URM1: variants seen among roughly 807,000 people sequenced by gnomAD.
URM1 encodes the protein ubiquitin-related modifier 1.
Under a neutral mutation model 17.7 loss-of-function variants are expected in URM1, and 11 were observed. The observed-to-expected ratio is 0.62, with a 90% CI of 0.39 to 1.03. The LOEUF is 1.03. Among genes scored for constraint, URM1 ranks in the 50% least tolerant of loss-of-function variants. The probability of loss-of-function intolerance (pLI) is 0.00; values close to 1 mark genes in which losing one functional copy is unlikely to be tolerated. For synonymous variants in URM1, 48 were observed against 50.6 expected (o/e 0.95, Z 0.22); for missense variants, 128 against 129.2 (o/e 0.99, Z 0.04).
intron 3 of URM1, chr9:128,388,781 C>T: frequency 1.0e-6 from 1 of 988,204 alleles, no homozygotes; most frequent in South Asian, 4.7e-5. Context: ...ACAGCCTTCT[C>T]TCCAGGATGG....
chr9:128,371,880 C>G (rs1012160295), intron 1 of URM1, among the ~76,000 whole-genome samples: 21 of 152,090 alleles, frequency 1.4e-4, no homozygotes, highest in African/African-American at 5.1e-4. Context: ...GGACTTTTTT[C>G]TTTTTCTTTC....
chr9:128,378,947 C>CA (rs397976946), intron 2 of URM1, among the ~76,000 whole-genome samples: 15,281 of 86,580 alleles, frequency 0.18, 1,564 homozygotes, highest in African/African-American at 0.33. Flanking sequence ...ATTCTGTCAC[C>CA]AAAAAAAAAA....
intron 3 of URM1, chr9:128,388,988 T>C: frequency 1.6e-6 from 2 of 1,282,834 alleles, no homozygotes; most frequent in South Asian, 2.5e-5. Context: ...AGGAACCTGA[T>C]ACTCAGAAAC....
Position 128,388,448 on chromosome 9 carries a change from C to T in URM1, c.188+551C>T, listed in dbSNP as rs940660924. ...AGTCTCCTTGGAAAGGACCAGGTTC[C>T]AGTTGCCACGAAGTTACTTCTAAAA... On this transcript the variant is annotated intron_variant, in intron 3 of 4. Transcript: ENST00000372853. 1.5e-5 allele frequency: 15 copies of T among 986,104 alleles called. No individual in the cohort carries two copies. The African/African-American group carries it at 2.6e-4, about 17-fold the overall frequency. The allele number at this position is 986,104 out of a possible 1,614,324, so 61.1% of individuals were successfully genotyped here. A position where few individuals can be genotyped will look rare whatever the true frequency, so the allele number is the denominator to read the frequency against.
chr9:128,389,486 G>C (rs565961589), intron 4 of URM1, 177 bp downstream of exon 4: 1 of 1,558,362 alleles, frequency 6.4e-7, no homozygotes, highest in East Asian at 2.4e-5. Context: ...TGGGTAGCTG[G>C]GGACATGGGA....
rs1833278156 is a variant in URM1 at position 128,389,602 on chromosome 9, A to C, written c.238-64A>C. On this transcript the variant is annotated intron_variant, in intron 4 of 4. Coordinates refer to ENST00000372853, the MANE Select transcript of URM1 (RefSeq NM_030914.4). ...CCAGTCCTCAGCCCCTGTTCTCCCA[A>C]CTCCTGGGGTGGACCTGGGAAGGTG... is the stretch of plus-strand genomic sequence containing the variant. The C allele has an allele frequency of 9.3e-6, 15 of 1,605,698 alleles. No homozygotes were observed. In the South Asian group the frequency reaches 1.4e-4, roughly 15 times the overall value.
At chr9:128,386,713 TC>T (rs1833232215) in intron 2 of URM1, among the ~76,000 whole-genome samples, 1 of 152,166 alleles carries the variant, frequency 6.6e-6, no homozygotes, top group Admixed American at 6.5e-5. Context: ...TTGCGTACAC[TC>T]TGGACTCCAG....
At chr9:128,376,474 A>G (rs956912089) in intron 1 of URM1, among the ~76,000 whole-genome samples, 2 of 151,376 alleles carry the variant, frequency 1.3e-5, no homozygotes, top group African/African-American at 4.9e-5. Context: ...CCTGGCCACA[A>G]TGGTGAAACC....
rs568539369 is a variant in URM1, at chr9:128,377,118, C to T, written c.36-918C>T. On this transcript the variant is annotated intron_variant, in intron 1 of 4. Transcript: ENST00000372853. Reference sequence around the variant, plus strand: ...AACTCCTGGCCTCAAGCAGTCATCTCGCCTTGGCCTCCCACAGTGCTAGGA... The same window carrying T: ...AACTCCTGGCCTCAAGCAGTCATCTTGCCTTGGCCTCCCACAGTGCTAGGA... Among the ~76,000 whole-genome samples the T allele has an allele frequency of 2.0e-5, 3 of 152,320 alleles. No individual in the cohort carries two copies. In the East Asian group the frequency reaches 5.8e-4, roughly 29 times the overall value.
At chr9:128,381,806 C>T (rs776942252) in intron 2 of URM1, among the ~76,000 whole-genome samples, 1 of 152,232 alleles carries the variant, frequency 6.6e-6, no homozygotes, top group Non-Finnish European at 1.5e-5. Flanking sequence ...GCTTTCAGGC[C>T]ACTGAATTTC....
intron 1 of URM1, among the ~76,000 whole-genome samples, chr9:128,371,862 C>T (rs985207068): frequency 6.6e-6 from 1 of 152,156 alleles, no homozygotes; most frequent in African/African-American, 2.4e-5. Flanking sequence ...GATGTAGTGG[C>T]CAGGGCGGGA....
Position 128,387,909 on chromosome 9 carries a change from TC to T in URM1, c.188+14del. 6.2e-7 allele frequency: 1 copy of T among 1,613,824 alleles called. No individual in the cohort carries two copies. On this transcript the variant is annotated intron_variant, in intron 3 of 4. Transcript: ENST00000372853. The surrounding 1 kb of genome is among the most constrained non-coding windows in gnomAD (Gnocchi z 4.3). ...CAGGGAGACAGCGTGTGAGTCCCAC[TC>T]CTCCCTTCCCTGAAGCAGGTGGAGG...
chr9:128,383,437 G>A (rs530789335), intron 2 of URM1, among the ~76,000 whole-genome samples: 2 of 152,128 alleles, frequency 1.3e-5, no homozygotes, highest in Non-Finnish European at 2.9e-5. Context: ...TGGGCTCTCC[G>A]AAGAGCCGTC....
At chr9:128,371,455 G>A (rs1167817380) in intron 1 of URM1, 40 bp downstream of exon 1, 1 of 1,603,796 alleles carries the variant, frequency 6.2e-7, no homozygotes, top group East Asian at 2.3e-5. Flanking sequence ...ATGGATTGAA[G>A]TCGTCGGGCC....
intron 3 of URM1, 154 bp downstream of exon 3, chr9:128,388,051 T>C: frequency 7.3e-7 from 1 of 1,372,052 alleles, no homozygotes; most frequent in Non-Finnish European, 9.4e-7. Flanking sequence ...TCAGTTTTCT[T>C]GTTACTAAAC....
At position 128,387,992 on chromosome 9, in the gene URM1, C is replaced by G; in HGVS notation, c.188+95C>G. 1 of 1,526,338 alleles carries G rather than the reference C, an allele frequency of 6.6e-7. No homozygotes were observed. Among genetic ancestry groups the G allele is most frequent in the Non-Finnish European group, 8.8e-7 (1 of 1,133,302 alleles). 94.5% of individuals were successfully genotyped at this position (1,526,338 alleles called of 1,614,324 possible). A position where few individuals can be genotyped will look rare whatever the true frequency, so the allele number is the denominator to read the frequency against. On this transcript the variant is annotated intron_variant, in intron 3 of 4. Coordinates refer to ENST00000372853, the MANE Select transcript of URM1 (RefSeq NM_030914.4). The surrounding 1 kb of genome is among the most constrained non-coding windows in gnomAD (Gnocchi z 4.3). ...GTTCAGTCCTGGCCTTCTCTGAATC[C>G]GGTTCTCCCCTTCCTCCTCCCTAAC...
At chr9:128,388,444 G>A (rs1435309645) in intron 3 of URM1, 3 of 985,962 alleles carry the variant, frequency 3.0e-6, no homozygotes, top group Non-Finnish European at 2.4e-6. Context: ...AAAGGACCAG[G>A]TTCCAGTTGC....
chr9:128,386,788 T>C (rs1833233086), intron 2 of URM1, among the ~76,000 whole-genome samples: 2 of 152,212 alleles, frequency 1.3e-5, no homozygotes, highest in South Asian at 4.1e-4. Flanking sequence ...TCTCAGGCAT[T>C]AGTCCAGGAC....
At chr9:128,375,728 T>A (rs1490531249) in intron 1 of URM1, among the ~76,000 whole-genome samples, 2 of 151,732 alleles carry the variant, frequency 1.3e-5, no homozygotes, top group African/African-American at 4.8e-5. Flanking sequence ...CCCACCTAAT[T>A]TTTGTAGTTT....
Sources: allele counts gnomAD v4.1 joint callset (sites outside exome capture counted in the v4.1 genomes callset), GRCh38; gene constraint gnomAD v4.1.1; non-coding constraint Gnocchi (gnomAD v3.1); transcripts MANE v1.5; gene names NCBI Gene and HGNC (gene_info 2026-07-23, HGNC 2026-07-21).